The following FH variants were observed in gnomAD, a reference collection of about 807,000 sequenced individuals.
FH encodes the protein fumarate hydratase, mitochondrial.
FH carries 22 observed loss-of-function variants against 49.4 expected under a neutral mutation model. The observed-to-expected ratio is 0.45, with a 90% CI of 0.32 to 0.64. FH has a LOEUF of 0.64. Among genes scored for constraint, FH ranks in the 30% least tolerant of loss-of-function variants. The pLI, the probability that FH is intolerant of heterozygous loss-of-function variation, is 0.05. For missense variants in FH, 526 were observed against 641.5 expected (o/e 0.82, Z 1.95); for synonymous variants, 208 against 223.0 (o/e 0.93, Z 0.60).
chr1:241,511,435 C>A (rs76050219), intron 4 of FH, among the ~76,000 whole-genome samples: 3,365 of 152,150 alleles, frequency 0.022, 93 homozygotes, highest in East Asian at 0.093. Flanking sequence ...CGCAAAAGAC[C>A]AAGAAACTGT....
In FH at chr1:241,500,600, AGT is replaced by A. The variant is rs369072161; in HGVS notation, c.1237-12_1237-11del. On this transcript the variant is annotated splice_polypyrimidine_tract_variant and intron_variant, in intron 8 of 9. Coordinates refer to ENST00000366560, the MANE Select transcript of FH (RefSeq NM_000143.4). ...GTAACACATTTTTAATCTTTGAGTG[AGT>A]GAGAGAGAGAGAGAGAGAGAGAGAG... 2.5e-6 allele frequency: 4 copies of A among 1,587,198 alleles called. 1 individual carries two copies. Among genetic ancestry groups the A allele is most frequent in the South Asian group, 2.2e-5 (2 of 89,822 alleles).
intron 2 of FH, among the ~76,000 whole-genome samples, chr1:241,515,420 G>A (rs759320193): frequency 5.9e-5 from 9 of 152,034 alleles, no homozygotes; most frequent in Non-Finnish European, 1.3e-4. Context: ...TTAGTCTCTG[G>A]AGTTGAATAA....
chr1:241,515,709 T>A (rs139917162), intron 2 of FH, among the ~76,000 whole-genome samples: 2 of 152,350 alleles, frequency 1.3e-5, no homozygotes, highest in Non-Finnish European at 2.9e-5. Context: ...TACTAGCCTA[T>A]CCTGCATTGA....
At chr1:241,502,865 A>G (rs1318159766) in intron 7 of FH, among the ~76,000 whole-genome samples, 1 of 152,188 alleles carries the variant, frequency 6.6e-6, no homozygotes, top group African/African-American at 2.4e-5. Flanking sequence ...ACAACACTGA[A>G]TAAGAAAGAT....
rs370121808 is a variant in FH at position 241,506,493 on chromosome 1, A to T, written c.739-325T>A. Among the ~76,000 whole-genome samples, 6 of 152,362 alleles carry T rather than the reference A, an allele frequency of 3.9e-5. No homozygotes were observed. In the South Asian group the frequency reaches 8.3e-4, roughly 21 times the overall value. On this transcript the variant is annotated intron_variant, in intron 5 of 9. Coordinates refer to ENST00000366560, the MANE Select transcript of FH (RefSeq NM_000143.4). ...CTTTACTACACTAAATTATTGGTTT[A>T]CTTGCAGTCTACTAAAGAAACTGAA...
At chr1:241,499,358 T>C (rs989479903) in intron 9 of FH, among the ~76,000 whole-genome samples, 7 of 152,218 alleles carry the variant, frequency 4.6e-5, no homozygotes, top group African/African-American at 1.7e-4. Context: ...TTTAAAGTTT[T>C]GGTAACACAT....
chr1:241,508,825 C>A (rs1478652784), intron 4 of FH, 40 bp from the exon 5 acceptor site: 2 of 1,572,630 alleles, frequency 1.3e-6, no homozygotes, highest in Admixed American at 1.7e-5. Context: ...AATGTTAAAT[C>A]AGAGGCAACA....
At chr1:241,517,099 G>A in intron 2 of FH, 83 bp downstream of exon 2, 1 of 1,547,060 alleles carries the variant, frequency 6.5e-7, no homozygotes, top group Non-Finnish European at 8.9e-7. Flanking sequence ...TTTTAACTCT[G>A]AAAAATATTT....
intron 1 of FH, among the ~76,000 whole-genome samples, chr1:241,517,642 A>C (rs537472935): frequency 4.6e-5 from 7 of 152,176 alleles, no homozygotes. Flanking sequence ...GGCCAATTCA[A>C]TGTACTTAGT....
At position 241,502,462 on chromosome 1, in the gene FH, T is replaced by C; in HGVS notation, c.1217A>G (p.Asn406Ser). 6.2e-7 allele frequency: 1 copy of C among 1,614,088 alleles called. No individual in the cohort carries two copies. The highest frequency in any genetic ancestry group is 1.3e-5 in the African/African-American group (1 of 75,036). Residue 406 changes from asparagine (N) to serine (S), a missense_variant, in exon 8 of 10, where the codon AAT (asparagine) becomes AGT (serine). Transcript: ENST00000366560. ...GCTTACCATCATTGGCTTGAAAACA[T>C]TCAACTCAAAATGTCCATTGCTGCC... The part of the protein sequence containing the change: ...VGGSNGHFEL[N>S]VFKPMMIKNV...
chr1:241,508,654 G>T lies in FH; in HGVS notation c.687C>A (p.Ile229=), dbSNP rs755587163. Reference sequence around the variant, plus strand: ...CCTGAGTATGAGTACGTCCAATCTTGATGATCTGTGCAAACTCTTTGGATT... The same window carrying T: ...CCTGAGTATGAGTACGTCCAATCTTTATGATCTGTGCAAACTCTTTGGATT... The part of the protein sequence containing the change: ...DAKSKEFAQI[I]KIGRTHTQDA... Residue 229 remains isoleucine (I), a synonymous_variant, in exon 5 of 10, where the codon ATC becomes ATA. Transcript: ENST00000366560. 2 of 1,613,866 alleles carry T rather than the reference G, an allele frequency of 1.2e-6. No homozygotes were observed. Among genetic ancestry groups the T allele is most frequent in the South Asian group, 2.2e-5 (2 of 91,088 alleles).
At chr1:241,514,927 T>A (rs1229506803) in intron 2 of FH, among the ~76,000 whole-genome samples, 1 of 152,146 alleles carries the variant, frequency 6.6e-6, no homozygotes, top group African/African-American at 2.4e-5. Flanking sequence ...CAAAGGTGAA[T>A]GCCAATCAAC....
At chr1:241,502,708 A>C in intron 7 of FH, 138 bp from the exon 8 acceptor site, 1 of 1,055,344 alleles carries the variant, frequency 9.5e-7, no homozygotes, top group South Asian at 1.4e-5. Flanking sequence ...TTAATGAAAC[A>C]AACCAACCAA....
In FH at chr1:241,500,415, T is replaced by C. The variant is rs763778998; in HGVS notation, c.1390+22A>G. 14 of 1,610,462 alleles carry C rather than the reference T, an allele frequency of 8.7e-6. No individual in the cohort carries two copies. In the South Asian group the frequency reaches 1.3e-4, roughly 15 times the overall value. On this transcript the variant is annotated intron_variant, in intron 9 of 9. Coordinates refer to ENST00000366560, the MANE Select transcript of FH (RefSeq NM_000143.4). The stretch of plus-strand genomic sequence containing the variant: ...TTTTAATTTTGCATTCAAAATGATA[T>C]TATTATTCCTTAAACACTTACCTAT...
chr1:241,511,919 T>C (rs749707773), intron 4 of FH, 48 bp downstream of exon 4: 1 of 1,564,192 alleles, frequency 6.4e-7, no homozygotes, highest in Non-Finnish European at 8.8e-7. Context: ...CAATCTCAGG[T>C]ATGCTTTTCA....
intron 6 of FH, 48 bp from the exon 7 acceptor site, chr1:241,504,293 C>G: frequency 6.5e-7 from 1 of 1,530,802 alleles, no homozygotes; most frequent in Non-Finnish European, 9.0e-7. Context: ...TTAAACTAAA[C>G]ATTTTTCTAC....
At chr1:241,515,748 G>A (rs746147747) in intron 2 of FH, among the ~76,000 whole-genome samples, 2 of 152,172 alleles carry the variant, frequency 1.3e-5, no homozygotes, top group African/African-American at 2.4e-5. Flanking sequence ...TTGGGCTCCC[G>A]TAGAATATGT....
At chr1:241,519,479 G>A in intron 1 of FH, 112 bp downstream of exon 1, 1 of 1,332,152 alleles carries the variant, frequency 7.5e-7, no homozygotes, top group South Asian at 1.5e-5. Context: ...AGAGTCTGGC[G>A]CGGCCCGGAC....
rs1659857850 is a variant in FH, at chr1:241,504,241, C to G, written c.909G>C (p.Leu303Phe). Reference sequence around the variant, plus strand: ...ATTTATTCGGAGCAGTGACAAAAGGCAAGCCTAAAGAAAAGAAAAATATCC... The same window carrying G: ...ATTTATTCGGAGCAGTGACAAAAGGGAAGCCTAAAGAAAAGAAAAATATCC... ...VAAKVAALTG[L>F]PFVTAPNKFE... The change falls in exon 7 of 10, where the codon TTG becomes TTC. Residue 303 changes from leucine (L) to phenylalanine (F), a missense_variant. Around this residue, in one of 2 missense-constraint regions of FH, gnomAD observed 383 missense variants for 514.0 expected, o/e 0.75. Transcript: ENST00000366560. 1 of 1,613,790 alleles carries G rather than the reference C, an allele frequency of 6.2e-7. No homozygotes were observed. The highest frequency in any genetic ancestry group is 1.7e-5 in the Admixed American group (1 of 59,980).
Sources: gnomAD v4.1 joint callset for allele counts (sites outside exome capture counted in the v4.1 genomes callset) on GRCh38, gnomAD v4.1.1 for gene constraint, gnomAD v4.1.1 regional missense constraint, MANE v1.5 for transcripts, NCBI Gene and HGNC (gene_info 2026-07-23, HGNC 2026-07-21) for gene names.